The following TNRC6C variants were observed in gnomAD, a reference collection of about 807,000 sequenced individuals.
The protein encoded by TNRC6C is trinucleotide repeat-containing gene 6C protein.
Under a neutral mutation model 153.7 loss-of-function variants are expected in TNRC6C, and 20 were observed. The observed-to-expected ratio is 0.13, with a 90% CI of 0.09 to 0.19. The LOEUF (loss-of-function observed/expected upper bound fraction) is 0.19, where lower values mean the gene tolerates loss of function less well. Among genes scored for constraint, TNRC6C ranks in the 10% least tolerant of loss-of-function variants. The pLI is 1.00. For missense variants in TNRC6C, 1,987 were observed against 2,172.0 expected (o/e 0.91, Z 1.69); for synonymous variants, 811 against 841.4 (o/e 0.96, Z 0.63).
rs1395222185 is a variant in TNRC6C at position 78,028,060 on chromosome 17, T to A, written c.-545-3456T>A. Among the ~76,000 whole-genome samples, 3 of 152,234 alleles carry A rather than the reference T, an allele frequency of 2.0e-5. No individual in the cohort carries two copies. The East Asian group carries it at 5.8e-4, about 29-fold the overall frequency. The stretch of plus-strand genomic sequence containing the variant: ...GCAGGCGCCCGCCACCATGCCCGGC[T>A]AATTTTTTTTTGTATTTTTAGTAGA... On this transcript the variant is annotated intron_variant, in intron 1 of 19. Transcript: ENST00000301624.
intron 18 of TNRC6C, 79 bp from the exon 22 acceptor site, chr17:78,103,335 C>A (rs1384658366): frequency 1.3e-6 from 2 of 1,540,758 alleles, no homozygotes; most frequent in Non-Finnish European, 1.8e-6. Flanking sequence ...TATCCAATTT[C>A]ATACGTTTTT....
At chr17:78,050,091 G>C in exon 3 of TNRC6C, 1 of 1,609,774 alleles carries the variant, frequency 6.2e-7, no homozygotes, top group East Asian at 2.2e-5. Context: ...ATGGGGAATG[G>C]GGAAAGCCCC....
intron 1 of TNRC6C, among the ~76,000 whole-genome samples, chr17:78,027,782 C>T (rs2071971572): frequency 6.6e-6 from 1 of 152,022 alleles, no homozygotes; most frequent in Non-Finnish European, 1.5e-5. Context: ...GTGATGGTAA[C>T]CTGTGAAGGG....
intron 1 of TNRC6C, among the ~76,000 whole-genome samples, chr17:77,966,127 G>T (rs934508935): frequency 6.6e-6 from 1 of 152,212 alleles, no homozygotes; most frequent in Admixed American, 6.5e-5. Flanking sequence ...ATTTTGTAAA[G>T]CGCGTAACAT....
intron 19 of TNRC6C, 146 bp downstream of exon 22, chr17:78,103,699 T>G: frequency 8.2e-7 from 1 of 1,215,164 alleles, no homozygotes; most frequent in Non-Finnish European, 1.1e-6. Flanking sequence ...GCTGGAAGTC[T>G]GATACCCAAG....
At chr17:78,098,596 T>C in intron 17 of TNRC6C, 59 bp downstream of exon 20, 1 of 1,549,264 alleles carries the variant, frequency 6.5e-7, no homozygotes, top group South Asian at 1.2e-5. Flanking sequence ...GATGTGCTTA[T>C]CACTTTGTCC....
upstream of TNRC6C, among the ~76,000 whole-genome samples, chr17:77,958,199 C>A (rs958288718): frequency 6.6e-6 from 1 of 152,046 alleles, no homozygotes; most frequent in Non-Finnish European, 1.5e-5. Context: ...GCATAAAGCC[C>A]GGGCGCCGCG....
In TNRC6C at chr17:78,067,928, G is replaced by A. The variant is rs773396767; in HGVS notation, c.2778+5G>A. The A allele has an allele frequency of 6.2e-6, 10 of 1,606,250 alleles. No individual in the cohort carries two copies. The highest frequency in any genetic ancestry group is 1.7e-5 in the Admixed American group (1 of 58,410). On this transcript the variant is annotated splice_donor_5th_base_variant and intron_variant, in intron 5 of 19. Transcript: ENST00000301624. ...CCCAAAAAAGGACTTCAAAAGGTAA[G>A]TACAACACTCTTAACGACGGTACAC...
At chr17:78,093,703 A>T in exon 16 of TNRC6C, 1 of 1,613,946 alleles carries the variant, frequency 6.2e-7, no homozygotes. Flanking sequence ...CAGTGTCCCC[A>T]CTGGGCCTAC....
At chr17:78,043,113 A>G (rs1275337331) in intron 2 of TNRC6C, among the ~76,000 whole-genome samples, 2 of 152,246 alleles carry the variant, frequency 1.3e-5, no homozygotes, top group Non-Finnish European at 2.9e-5. Flanking sequence ...GTAAGGAACA[A>G]GAGAGCAGCT....
chr17:77,991,261 TC>T (rs1261311586), intron 1 of TNRC6C, among the ~76,000 whole-genome samples: 1 of 152,220 alleles, frequency 6.6e-6, no homozygotes, highest in Non-Finnish European at 1.5e-5. Context: ...TATTGTTTGT[TC>T]AAGTCACACA....
intron 1 of TNRC6C, among the ~76,000 whole-genome samples, chr17:77,995,773 T>C (rs2071319503): frequency 6.6e-6 from 1 of 152,214 alleles, no homozygotes; most frequent in Non-Finnish European, 1.5e-5. Context: ...AGTGGAGTGC[T>C]AGTAAAATTA....
At chr17:78,002,375 C>CATTGAG (rs533635959), upstream of TNRC6C, among the ~76,000 whole-genome samples, 312 of 152,292 alleles carry the variant, frequency 2.0e-3, 4 homozygotes, top group African/African-American at 6.9e-3. Context: ...CTCATAATCT[C>CATTGAG]ATTTAAAGCC....
rs188395128 is a variant in TNRC6C at position 78,036,517 on chromosome 17, A to C, written c.-219+4675A>C. Among the ~76,000 whole-genome samples, 197 of 152,308 alleles carry C rather than the reference A, an allele frequency of 1.3e-3. 1 individual carries two copies. Among genetic ancestry groups the C allele is most frequent in the African/African-American group, 4.5e-3 (187 of 41,574 alleles). ...TAAACAATAGAGGAGCAGAAATGGG[A>C]AAGTTTTTAAAGAGTTAAAAGTGGA... is the stretch of plus-strand genomic sequence containing the variant. On this transcript the variant is annotated intron_variant, in intron 2 of 19. Transcript: ENST00000301624.
chr17:77,987,853 T>A (rs1254021329), intron 1 of TNRC6C, among the ~76,000 whole-genome samples: 1 of 152,108 alleles, frequency 6.6e-6, no homozygotes, highest in Non-Finnish European at 1.5e-5. Flanking sequence ...CTAATTTTTA[T>A]ATTTTTAGTA....
chr17:78,104,874 CGACCCCTCCCGG>C lies in TNRC6C; in HGVS notation c.*42_*53del, dbSNP rs550163125. The C allele has an allele frequency of 6.2e-5, 87 of 1,400,128 alleles. No homozygotes were observed. The African/African-American group carries it at 8.6e-4, about 14-fold the overall frequency. The allele number at this position is 1,400,128 out of a possible 1,614,324, so 86.7% of individuals were successfully genotyped here. On this transcript the variant is annotated 3_prime_UTR_variant, in exon 20 of 20. Coordinates refer to ENST00000301624, the Ensembl canonical transcript of TNRC6C. This position sits in a 1 kb window ranked among gnomAD's most constrained non-coding sequence, Gnocchi z 6.2. Reference sequence around the variant, plus strand: ...CTGCCATCATCAGCACCAGGAGAGCCGACCCCTCCCGGGACCCCTCCCGGCTGGGCGGCCCCA... The same window carrying C: ...CTGCCATCATCAGCACCAGGAGAGCCGACCCCTCCCGGCTGGGCGGCCCCA...
intron 1 of TNRC6C, among the ~76,000 whole-genome samples, chr17:78,006,492 T>TTC (rs2071500644): frequency 9.1e-6 from 1 of 110,416 alleles, no homozygotes; most frequent in African/African-American, 3.5e-5. Context: ...CTTCTTCTTC[T>TTC]TTCTTCTTCT....
chr17:78,094,367 C>G (rs1322358671), intron 16 of TNRC6C, among the ~76,000 whole-genome samples: 2 of 151,870 alleles, frequency 1.3e-5, no homozygotes, highest in Non-Finnish European at 1.5e-5. Context: ...CTAGATAGTT[C>G]CCAAAACATT....
chr17:78,054,046 C>G (rs1366230075), intron 3 of TNRC6C, among the ~76,000 whole-genome samples: 1 of 152,198 alleles, frequency 6.6e-6, no homozygotes, highest in Non-Finnish European at 1.5e-5. Context: ...CTATACGGTA[C>G]AGCCTGTTGC....
Sources: gnomAD v4.1 joint callset for allele counts (sites outside exome capture counted in the v4.1 genomes callset) on GRCh38, gnomAD v4.1.1 for gene constraint, Gnocchi (gnomAD v3.1) non-coding constraint, MANE v1.5 for transcripts, NCBI Gene and HGNC (gene_info 2026-07-23, HGNC 2026-07-21) for gene names.